The following GREB1L variants were observed in gnomAD, a reference collection of about 807,000 sequenced individuals.
The protein encoded by GREB1L is GREB1-like protein.
A neutral mutation model predicts 200.8 loss-of-function variants in GREB1L; 17 were observed. The ratio of observed to expected loss-of-function variants is 0.08; its 90% CI spans 0.06 to 0.13. The LOEUF (loss-of-function observed/expected upper bound fraction) is 0.13, where lower values mean the gene tolerates loss of function less well. Among genes scored for constraint, GREB1L ranks in the 10% least tolerant of loss-of-function variants. The pLI is 1.00. For synonymous variants in GREB1L, 789 were observed against 893.0 expected, an observed-to-expected ratio of 0.88 and a Z score of 2.08; for missense variants, 1,657 against 2,367.7, an observed-to-expected ratio of 0.70 and a Z score of 6.23.
intron 7 of GREB1L, among the ~76,000 whole-genome samples, chr18:21,408,864 A>G (rs571921023): frequency 6.6e-6 from 1 of 152,188 alleles, no homozygotes; most frequent in South Asian, 2.1e-4. Context: ...TAAAAAAGAC[A>G]GTAACAAGTG....
At chr18:21,333,115 C>T (rs754922091) in intron 1 of GREB1L, among the ~76,000 whole-genome samples, 13 of 151,938 alleles carry the variant, frequency 8.6e-5, no homozygotes, top group South Asian at 2.1e-4. Context: ...CGCGCACATA[C>T]GGTCTCTCTT....
At chr18:21,309,815 T>C (rs934355718) in intron 1 of GREB1L, among the ~76,000 whole-genome samples, 1 of 152,116 alleles carries the variant, frequency 6.6e-6, no homozygotes, top group African/African-American at 2.4e-5. Flanking sequence ...TTTTTGGTTG[T>C]CACACTGAGG....
At chr18:21,371,562 C>A (rs1349519604) in intron 2 of GREB1L, among the ~76,000 whole-genome samples, 2 of 150,186 alleles carry the variant, frequency 1.3e-5, no homozygotes, top group African/African-American at 4.9e-5. Flanking sequence ...CTGAGGTGGG[C>A]GGATCATGAG....
At chr18:21,487,036 G>A (rs2036154369) in intron 18 of GREB1L, among the ~76,000 whole-genome samples, 1 of 152,152 alleles carries the variant, frequency 6.6e-6, no homozygotes, top group African/African-American at 2.4e-5. Context: ...TGATATTTTT[G>A]CAGCTGTTGG....
At chr18:21,336,667 A>T (rs1296966474) in intron 1 of GREB1L, among the ~76,000 whole-genome samples, 2 of 152,120 alleles carry the variant, frequency 1.3e-5, no homozygotes, top group Non-Finnish European at 2.9e-5. Context: ...GCTCTACTTA[A>T]TGGGACTAAT....
intron 14 of GREB1L, among the ~76,000 whole-genome samples, chr18:21,453,910 G>A (rs1362934032): frequency 6.6e-6 from 1 of 152,158 alleles, no homozygotes; most frequent in African/African-American, 2.4e-5. Context: ...AAAAGCTCAG[G>A]GGAACTCAGC....
chr18:21,313,706 G>T (rs879851811), intron 1 of GREB1L, among the ~76,000 whole-genome samples: 2 of 152,168 alleles, frequency 1.3e-5, no homozygotes, highest in South Asian at 2.1e-4. Context: ...AAAAAAGAAG[G>T]TATCTGGGTT....
chr18:21,275,403 GTCT>G (rs540792405), intron 1 of GREB1L, among the ~76,000 whole-genome samples: 53 of 152,166 alleles, frequency 3.5e-4, no homozygotes, highest in Admixed American at 5.9e-4. Flanking sequence ...TAGAGCTGGG[GTCT>G]TCTTCTTTTG....
intron 1 of GREB1L, among the ~76,000 whole-genome samples, chr18:21,286,155 T>C (rs2038352821): frequency 6.6e-6 from 1 of 152,244 alleles, no homozygotes; most frequent in Non-Finnish European, 1.5e-5. Flanking sequence ...GTCAAATTGC[T>C]GTTCTGTACT....
At chr18:21,395,705 T>C (rs2041026961) in intron 5 of GREB1L, 144 bp downstream of exon 5, 1 of 601,698 alleles carries the variant, frequency 1.7e-6, no homozygotes. Flanking sequence ...AGACATTTTT[T>C]CTTTTAGTAA....
At chr18:21,339,599 T>C (rs2039238188) in intron 1 of GREB1L, among the ~76,000 whole-genome samples, 1 of 152,162 alleles carries the variant, frequency 6.6e-6, no homozygotes, top group African/African-American at 2.4e-5. Flanking sequence ...CCTTTTAGAG[T>C]CTGTTTTCTC....
In GREB1L at chr18:21,322,748, A is replaced by G. The variant is rs532329736; in HGVS notation, c.-119-43279A>G. On this transcript the variant is annotated intron_variant, in intron 1 of 32. Transcript: ENST00000424526. The stretch of plus-strand genomic sequence containing the variant: ...TACTAGAATTTAGGATATAATAGAG[A>G]AGACCTTTCAGACCAGAGGGGGAAA... 2.0e-5 allele frequency among the ~76,000 whole-genome samples: 3 copies of G among 152,298 alleles called. No homozygotes were observed. The East Asian group carries it at 5.8e-4, about 29-fold the overall frequency.
chr18:21,358,478 G>T (rs1440239405), intron 1 of GREB1L, among the ~76,000 whole-genome samples: 1 of 152,086 alleles, frequency 6.6e-6, no homozygotes, highest in Non-Finnish European at 1.5e-5. Flanking sequence ...ACCACACCCG[G>T]CTAATTTTTT....
intron 7 of GREB1L, among the ~76,000 whole-genome samples, chr18:21,406,058 T>TAAAAA (rs34222462): frequency 1.1e-4 from 14 of 124,894 alleles, no homozygotes; most frequent in African/African-American, 3.5e-4. Flanking sequence ...AGACCCTGTC[T>TAAAAA]AAAAAAAAAA....
chr18:21,451,144 A>G lies in GREB1L; in HGVS notation c.1842A>G (p.Thr614=). 1 of 1,551,614 alleles carries G rather than the reference A, an allele frequency of 6.4e-7. No individual in the cohort carries two copies. Among genetic ancestry groups the G allele is most frequent in the Non-Finnish European group, 8.7e-7 (1 of 1,146,886 alleles). The stretch of plus-strand genomic sequence containing the variant: ...TCCTGGCATCACATTTCAAAACCAC[A>G]TCATTAGGTGAGTGGTTGTAAGATT... ...VSFLASHFKT[T]SLGDDLDKLL... Residue 614 remains threonine, a synonymous_variant, in exon 13 of 33, where the codon ACA becomes ACG. Transcript: ENST00000424526.
Position 21,495,621 on chromosome 18 carries a change from G to A in GREB1L, c.3031-49G>A, listed in dbSNP as rs567335077. 159 of 1,021,992 alleles carry A rather than the reference G, an allele frequency of 1.6e-4. 2 individuals carry two copies. The South Asian group carries it at 1.9e-3, about 12-fold the overall frequency. 63.3% of individuals were successfully genotyped at this position (1,021,992 alleles called of 1,614,324 possible). ...GACTCAGAAGCCTGTAAAAAAGGTG[G>A]AAACTTAAATGAGAGTTTTAATTTT... On this transcript the variant is annotated intron_variant, in intron 19 of 32. Coordinates refer to ENST00000424526, the MANE Select transcript of GREB1L (RefSeq NM_001142966.3).
At chr18:21,365,298 TATGTTATCTATAAAAATCAATG>T (rs1172735233) in intron 1 of GREB1L, among the ~76,000 whole-genome samples, 1 of 152,154 alleles carries the variant, frequency 6.6e-6, no homozygotes, top group Non-Finnish European at 1.5e-5. Flanking sequence ...GAAATGCTTC[TATGTTATCTATAAAAATCAATG>T]ACAAGTAGTT....
chr18:21,434,485 G>GTATATATATATATATATA (rs759371210), intron 7 of GREB1L, among the ~76,000 whole-genome samples: 12 of 107,812 alleles, frequency 1.1e-4, no homozygotes, highest in African/African-American at 2.2e-4. Flanking sequence ...AAAAAAAATA[G>GTATATATATATATATATA]TATATATATA....
chr18:21,393,581 A>G (rs1266497074), intron 4 of GREB1L, among the ~76,000 whole-genome samples: 4 of 152,290 alleles, frequency 2.6e-5, no homozygotes, highest in African/African-American at 7.2e-5. Context: ...GGTGCCTGCC[A>G]CCATGTCCGG....
Sources: allele counts gnomAD v4.1 joint callset (sites outside exome capture counted in the v4.1 genomes callset), GRCh38; gene constraint gnomAD v4.1.1; transcripts MANE v1.5; gene names NCBI Gene and HGNC (gene_info 2026-07-23, HGNC 2026-07-21).